ZFHX3: variants seen among roughly 807,000 people sequenced by gnomAD.
ZFHX3 encodes the protein zinc finger homeobox 3, also known as zinc finger homeobox protein 3.
A neutral mutation model predicts 279.1 loss-of-function variants in ZFHX3; 42 were observed. The observed-to-expected ratio is 0.15, with a 90% confidence interval of 0.12 to 0.19. The LOEUF (loss-of-function observed/expected upper bound fraction) is 0.19, where lower values mean the gene tolerates loss of function less well. Ranked by LOEUF, ZFHX3 falls within the 10% of genes least tolerant of loss-of-function variation. The probability of loss-of-function intolerance (pLI) is 1.00; values close to 1 mark genes in which losing one functional copy is unlikely to be tolerated. For missense variants in ZFHX3, 4,981 were observed against 4,754.0 expected (o/e 1.05, Z -1.40); for synonymous variants, 2,293 against 1,957.8 (o/e 1.17, Z -4.52).
At chr16:73,086,236 A>G (rs1333403316) in intron 8 of ZFHX3, among the ~76,000 whole-genome samples, 1 of 152,212 alleles carries the variant, frequency 6.6e-6, no homozygotes, top group Non-Finnish European at 1.5e-5. Context: ...AGTTGCAGAA[A>G]AAGGGGAACC....
rs542601614 is a variant in ZFHX3, at chr16:73,617,963, C to G, written c.-1547+62217G>C. Among the ~76,000 whole-genome samples the G allele has an allele frequency of 1.4e-4, 21 of 152,266 alleles. No individual in the cohort carries two copies. The South Asian group carries it at 3.7e-3, about 27-fold the overall frequency. ...CAGTGCTACCCATGAACCTCTGGCT[C>G]TGCACATTGGCCTACACTGCAATAG... On this transcript the variant is annotated intron_variant, in intron 2 of 17. Transcript: ENST00000641206.
At chr16:73,326,817 C>A (rs1165887693) in intron 3 of ZFHX3, among the ~76,000 whole-genome samples, 1 of 152,166 alleles carries the variant, frequency 6.6e-6, no homozygotes, top group Non-Finnish European at 1.5e-5. Context: ...GCTATAGCCC[C>A]TATTTGGGTC....
chr16:73,719,058 A>G (rs2053447287), intron 1 of ZFHX3, among the ~76,000 whole-genome samples: 1 of 152,220 alleles, frequency 6.6e-6, no homozygotes, highest in Admixed American at 6.5e-5. Flanking sequence ...TCACATGTTC[A>G]GCTACAACAG....
chr16:73,850,731 A>G (rs887689086), intron 1 of ZFHX3, among the ~76,000 whole-genome samples: 1 of 139,952 alleles, frequency 7.1e-6, no homozygotes, highest in African/African-American at 2.6e-5. Context: ...CCGTGGCTTG[A>G]GAGATCTAAC....
rs1483641692 is a variant in ZFHX3, at chr16:72,787,456, G to A, written c.10820C>T (p.Ser3607Phe). The A allele has an allele frequency of 6.2e-7, 1 of 1,604,912 alleles. No individual in the cohort carries two copies. Among genetic ancestry groups the A allele is most frequent in the East Asian group, 2.2e-5 (1 of 44,576 alleles). ...CTTCCTGGAGGCGTGGGGGGAAGCG[G>A]AGGAGGGGGCGGCGGCCGACGGGGG... ...PPPPSAAAPSSASPHASRKSW... is the reference protein window; with the variant it reads ...PPPPSAAAPSFASPHASRKSW... Residue 3607 changes from serine to phenylalanine, a missense_variant, in exon 10 of 10, where the codon TCC becomes TTC. By Grantham distance (155) the Ser-to-Phe change is radical (BLOSUM62 -2). Transcript: ENST00000268489.
chr16:72,789,134 T>C (rs1224951969), intron 9 of ZFHX3: 1 of 336,484 alleles, frequency 3.0e-6, no homozygotes. Flanking sequence ...TGTATTCTAA[T>C]GAGGACTCAG....
At chr16:73,801,039 G>C (rs186654515) in intron 1 of ZFHX3, among the ~76,000 whole-genome samples, 41 of 152,168 alleles carry the variant, frequency 2.7e-4, no homozygotes, top group Admixed American at 2.7e-3. Flanking sequence ...CAACAGCATT[G>C]ACACTGCCTG....
intron 1 of ZFHX3, among the ~76,000 whole-genome samples, chr16:73,856,697 A>T (rs2142385523): frequency 6.6e-6 from 1 of 152,330 alleles, no homozygotes; most frequent in African/African-American, 2.4e-5. Context: ...ACTGATTTGC[A>T]GGGTTATACC....
chr16:72,794,642 C>T lies in ZFHX3; in HGVS notation c.8040G>A (p.Leu2680=), dbSNP rs1331274282. ...ACCAGACTTGTACCACACGTTTCTT[C>T]AAGCCCACCTCGTGTGCAATGTGAT... ...MLDHIAHEVG[L]KKRVVQVWFQ... The change falls in exon 9 of 10, where the codon TTG becomes TTA. Residue 2680 remains leucine, a synonymous_variant. Coordinates refer to ENST00000268489, the MANE Select transcript of ZFHX3 (RefSeq NM_006885.4). This position sits in a 1 kb window ranked among gnomAD's most constrained non-coding sequence, Gnocchi z 4.2. The T allele has an allele frequency of 6.2e-6, 10 of 1,614,108 alleles. No individual in the cohort carries two copies. The highest frequency in any genetic ancestry group is 2.7e-5 in the African/African-American group (2 of 74,930).
intron 4 of ZFHX3, among the ~76,000 whole-genome samples, chr16:73,294,517 A>C (rs896606326): frequency 2.0e-5 from 3 of 152,250 alleles, no homozygotes; most frequent in Admixed American, 1.3e-4. Flanking sequence ...ATAGTTTAAA[A>C]ACAGGCCTGG....
chr16:73,452,601 T>C (rs1053330830), intron 3 of ZFHX3, among the ~76,000 whole-genome samples: 1 of 152,188 alleles, frequency 6.6e-6, no homozygotes, highest in African/African-American at 2.4e-5. Flanking sequence ...TTTTGATAGG[T>C]AAGAATTTCT....
intron 2 of ZFHX3, among the ~76,000 whole-genome samples, chr16:73,462,453 G>C (rs1329090078): frequency 6.6e-6 from 1 of 152,006 alleles, no homozygotes; most frequent in Non-Finnish European, 1.5e-5. Flanking sequence ...GTACTATTTG[G>C]AATGAGAGTG....
At chr16:73,742,055 TATCATCAATACAGTGGTC>T (rs1016165818) in intron 1 of ZFHX3, among the ~76,000 whole-genome samples, 1 of 152,208 alleles carries the variant, frequency 6.6e-6, no homozygotes, top group African/African-American at 2.4e-5. Flanking sequence ...CAAGGGTGCA[TATCATCAATACAGTGGTC>T]ATCAACTCAT....
Position 73,582,441 on chromosome 16 carries a change from G to C in ZFHX3, c.-1547+97739C>G, listed in dbSNP as rs1436307303. Among the ~76,000 whole-genome samples, 6 of 149,350 alleles carry C rather than the reference G, an allele frequency of 4.0e-5. No homozygotes were observed. The East Asian group carries it at 1.2e-3, about 29-fold the overall frequency. The stretch of plus-strand genomic sequence containing the variant: ...TTCACAGTTAGGATATAGGAAGACA[G>C]AAAAAAAAAATTAAGCCTAAATCTA... On this transcript the variant is annotated intron_variant, in intron 2 of 17. Transcript: ENST00000641206.
intron 7 of ZFHX3, among the ~76,000 whole-genome samples, chr16:73,111,810 C>T (rs1243898628): frequency 6.6e-6 from 1 of 152,044 alleles, no homozygotes; most frequent in African/African-American, 2.4e-5. Context: ...CATTCTAAAC[C>T]CTTGCCATAT....
chr16:72,786,847 G>A lies in ZFHX3; in HGVS notation c.*317C>T, dbSNP rs925166795. ...AGGGGCAAATATACAAGGGGTTTAA[G>A]CTCCAAAGACATTAGGGAGGCCCTG... On this transcript the variant is annotated 3_prime_UTR_variant, in exon 10 of 10. Coordinates refer to ENST00000268489, the MANE Select transcript of ZFHX3 (RefSeq NM_006885.4). 6.0e-6 allele frequency: 1 copy of A among 166,212 alleles called. No individual in the cohort carries two copies. Among genetic ancestry groups the A allele is most frequent in the Non-Finnish European group, 1.3e-5 (1 of 78,104 alleles). 10.3% of individuals were successfully genotyped at this position (166,212 alleles called of 1,614,324 possible).
At chr16:73,411,348 C>G (rs886935097) in intron 3 of ZFHX3, among the ~76,000 whole-genome samples, 1 of 152,150 alleles carries the variant, frequency 6.6e-6, no homozygotes, top group African/African-American at 2.4e-5. Flanking sequence ...GGCACCTGCC[C>G]TTTGAAATAT....
intron 1 of ZFHX3, among the ~76,000 whole-genome samples, chr16:72,978,265 T>C (rs11075954): frequency 0.56 from 85,887 of 152,030 alleles, 24,735 homozygotes; most frequent in African/African-American, 0.62. Context: ...AGGCCTCTTG[T>C]TAATTGTGGG....
intron 1 of ZFHX3, among the ~76,000 whole-genome samples, chr16:73,847,879 G>A (rs1053100091): frequency 4.0e-5 from 6 of 150,194 alleles, no homozygotes; most frequent in Non-Finnish European, 7.4e-5. Flanking sequence ...CTGGGAGTAC[G>A]GGCACGTGCC....
Sources: gnomAD v4.1 joint callset for allele counts (sites outside exome capture counted in the v4.1 genomes callset) on GRCh38, gnomAD v4.1.1 for gene constraint, Gnocchi (gnomAD v3.1) non-coding constraint, MANE v1.5 for transcripts, NCBI Gene and HGNC (gene_info 2026-07-23, HGNC 2026-07-21) for gene names.